MECOM: variants seen among roughly 807,000 people sequenced by gnomAD.
The protein encoded by MECOM is MDS1 and EVI1 complex locus.
MECOM carries 13 observed loss-of-function variants against 116.3 expected under a neutral mutation model. The ratio of observed to expected loss-of-function variants is 0.11; its 90% confidence interval spans 0.07 to 0.18. The LOEUF (loss-of-function observed/expected upper bound fraction) is 0.18, where lower values mean the gene tolerates loss of function less well. MECOM is among the 10% of genes least tolerant of loss of function. The pLI, the probability that MECOM is intolerant of heterozygous loss-of-function variation, is 1.00. For missense variants in MECOM, 1,299 were observed against 1,509.0 expected (o/e 0.86, Z 2.31); for synonymous variants, 528 against 535.2 (o/e 0.99, Z 0.19).
intron 1 of MECOM, among the ~76,000 whole-genome samples, chr3:169,505,308 A>ATTTT (rs544457605): frequency 1.7e-3 from 252 of 148,318 alleles, no homozygotes; most frequent in East Asian, 2.3e-3. Context: ...TAGAGCAGGA[A>ATTTT]TTTTTTTTTT....
chr3:169,626,105 G>A (rs1278051958), intron 1 of MECOM, among the ~76,000 whole-genome samples: 1 of 152,184 alleles, frequency 6.6e-6, no homozygotes, highest in East Asian at 1.9e-4. Context: ...ACATTTTCCT[G>A]AAATTTTTAT....
intron 1 of MECOM, chr3:169,448,007 T>G (rs1744933459): frequency 1.3e-5 from 2 of 152,230 alleles, no homozygotes; most frequent in Non-Finnish European, 2.9e-5. Context: ...AGTCATGGTG[T>G]GATCAGATCT....
At chr3:169,562,431 C>T (rs1283193380) in intron 1 of MECOM, among the ~76,000 whole-genome samples, 1 of 152,070 alleles carries the variant, frequency 6.6e-6, no homozygotes, top group Non-Finnish European at 1.5e-5. Flanking sequence ...TTTCTGCCTT[C>T]ATATTTGGCT....
intron 2 of MECOM, among the ~76,000 whole-genome samples, chr3:169,210,669 A>G (rs570126412): frequency 7.9e-5 from 12 of 152,290 alleles, no homozygotes; most frequent in African/African-American, 2.9e-4. Flanking sequence ...GTAGGCTGAT[A>G]ACTTTTGACA....
chr3:169,179,827 G>GTCTC (rs962390813), intron 2 of MECOM, among the ~76,000 whole-genome samples: 1 of 152,038 alleles, frequency 6.6e-6, no homozygotes, highest in Non-Finnish European at 1.5e-5. Context: ...CCAGCAGCCG[G>GTCTC]TCTCTCTTTT....
chr3:169,444,859 T>A (rs1187676777), intron 1 of MECOM, among the ~76,000 whole-genome samples: 1 of 152,150 alleles, frequency 6.6e-6, no homozygotes, highest in African/African-American at 2.4e-5. Context: ...TGGTCTCAGA[T>A]GGAGATGAGG....
chr3:169,118,687 G>T (rs1057375151), intron 7 of MECOM, among the ~76,000 whole-genome samples: 13 of 151,036 alleles, frequency 8.6e-5, no homozygotes, highest in Non-Finnish European at 5.9e-5. Context: ...GCAAGGAAAT[G>T]TTGCTCTCTA....
At chr3:169,141,870 A>G (rs191693814) in intron 3 of MECOM, among the ~76,000 whole-genome samples, 1 of 152,110 alleles carries the variant, frequency 6.6e-6, no homozygotes, top group Non-Finnish European at 1.5e-5. Flanking sequence ...AGAGTTAAAA[A>G]TTACCACTTA....
chr3:169,607,889 C>T (rs1346655223), intron 1 of MECOM, among the ~76,000 whole-genome samples: 1 of 152,172 alleles, frequency 6.6e-6, no homozygotes, highest in African/African-American at 2.4e-5. Flanking sequence ...TCTTCCTTCC[C>T]CTGAAATCAA....
intron 1 of MECOM, among the ~76,000 whole-genome samples, chr3:169,427,136 C>T (rs966383274): frequency 2.0e-5 from 3 of 151,678 alleles, no homozygotes; most frequent in Non-Finnish European, 4.4e-5. Flanking sequence ...TTCCCTTTCC[C>T]TCACATGTCA....
At chr3:169,108,094 GAA>G (rs989164089) in intron 9 of MECOM, 142 bp from the exon 10 acceptor site, 1 of 561,240 alleles carries the variant, frequency 1.8e-6, no homozygotes, top group Non-Finnish European at 3.1e-6. Flanking sequence ...AAAAGCTTTG[GAA>G]ATAAAAATTA....
At chr3:169,478,928 C>G (rs1468186757) in intron 1 of MECOM, among the ~76,000 whole-genome samples, 1 of 152,160 alleles carries the variant, frequency 6.6e-6, no homozygotes, top group Non-Finnish European at 1.5e-5. Flanking sequence ...TCTTGTAATG[C>G]TACAATGATG....
intron 2 of MECOM, among the ~76,000 whole-genome samples, chr3:169,354,590 A>C (rs1421421444): frequency 1.3e-5 from 2 of 151,936 alleles, no homozygotes; most frequent in African/African-American, 4.8e-5. Context: ...GTATCTTGGA[A>C]ATACCAAAAA....
At chr3:169,146,293 T>TAG in intron 2 of MECOM, 1 of 1,261,156 alleles carries the variant, frequency 7.9e-7, no homozygotes, top group Non-Finnish European at 1.0e-6. Context: ...AGCAAAGCTG[T>TAG]TACTTGGCAA....
intron 2 of MECOM, among the ~76,000 whole-genome samples, chr3:169,213,199 T>C: frequency 6.6e-6 from 1 of 152,168 alleles, no homozygotes; most frequent in Admixed American, 6.6e-5. Context: ...TTCTTTATAC[T>C]TGACTTGCAT....
intron 2 of MECOM, among the ~76,000 whole-genome samples, chr3:169,334,150 A>G (rs1723200880): frequency 6.6e-6 from 1 of 152,086 alleles, no homozygotes. Flanking sequence ...TATTGGTTTT[A>G]TTAACCCTAA....
chr3:169,195,930 T>A (rs112523652), intron 2 of MECOM, among the ~76,000 whole-genome samples: 1 of 152,060 alleles, frequency 6.6e-6, no homozygotes, highest in Admixed American at 6.6e-5. Flanking sequence ...ACAGATATCA[T>A]TGGAAGGAAA....
chr3:169,615,794 G>T (rs779612582), intron 1 of MECOM, among the ~76,000 whole-genome samples: 1 of 152,194 alleles, frequency 6.6e-6, no homozygotes, highest in Non-Finnish European at 1.5e-5. Context: ...CTACAAAAGT[G>T]CTAAGTTAAT....
chr3:169,093,186 T>C, intron 13 of MECOM, 84 bp from the exon 14 acceptor site: 1 of 1,408,332 alleles, frequency 7.1e-7, no homozygotes, highest in Non-Finnish European at 9.6e-7. Flanking sequence ...ATGAATTTGA[T>C]CAGTGCTGTT....
Sources: allele counts gnomAD v4.1 joint callset (sites outside exome capture counted in the v4.1 genomes callset), GRCh38; gene constraint gnomAD v4.1.1; transcripts MANE v1.5; gene names NCBI Gene and HGNC (gene_info 2026-07-23, HGNC 2026-07-21).